REC114: variants seen among roughly 807,000 people sequenced by gnomAD.
REC114 encodes REC114 meiotic recombination protein, also known as meiotic recombination protein REC114.
A neutral mutation model predicts 31.3 loss-of-function variants in REC114; 27 were observed. That is an observed-to-expected ratio of 0.86 (90% CI 0.64 to 1.19). REC114 has a LOEUF of 1.19. Ranked by LOEUF, REC114 falls within the 50% of genes most tolerant of loss-of-function variation. The pLI is 0.00. For missense variants in REC114, 344 were observed against 326.9 expected (o/e 1.05, Z -0.40); for synonymous variants, 134 against 127.7 (o/e 1.05, Z -0.33).
intron 2 of REC114, among the ~76,000 whole-genome samples, chr15:73,522,933 A>T (rs567754147): frequency 2.0e-5 from 3 of 152,158 alleles, no homozygotes; most frequent in Non-Finnish European, 4.4e-5. Flanking sequence ...TATCCTCAGC[A>T]AGACTTGCTA....
At chr15:73,534,111 C>T (rs202103424) in intron 2 of REC114, among the ~76,000 whole-genome samples, 15,677 of 143,948 alleles carry the variant, frequency 0.11, 1,107 homozygotes, top group African/African-American at 0.21. Flanking sequence ...GACACCCTAA[C>T]ATCACAATTA....
chr15:73,446,607 T>C (rs1892767970), intron 1 of REC114, among the ~76,000 whole-genome samples: 1 of 150,136 alleles, frequency 6.7e-6, no homozygotes, highest in African/African-American at 2.5e-5. Flanking sequence ...GGCACTGCAC[T>C]CCAACCTGAG....
At chr15:73,500,648 A>G (rs1893591338) in intron 2 of REC114, among the ~76,000 whole-genome samples, 1 of 151,676 alleles carries the variant, frequency 6.6e-6, no homozygotes. Flanking sequence ...AGATATGTGT[A>G]TAATACTTTG....
chr15:73,559,606 TA>T, intron 5 of REC114, 145 bp from the exon 6 acceptor site: 1 of 572,488 alleles, frequency 1.7e-6, no homozygotes, highest in Non-Finnish European at 2.8e-6. Context: ...TAAAACTATG[TA>T]AAGGAAGCCT....
chr15:73,556,463 T>C (rs1894469912), intron 5 of REC114, 72 bp downstream of exon 5: 6 of 1,303,040 alleles, frequency 4.6e-6, no homozygotes. Flanking sequence ...TATCCCTTTG[T>C]TCAATTCTTT....
intron 2 of REC114, among the ~76,000 whole-genome samples, chr15:73,540,280 T>A (rs538685994): frequency 6.6e-6 from 1 of 152,296 alleles, no homozygotes. Flanking sequence ...AAAGTTGTCT[T>A]ACGTTCCTCA....
chr15:73,508,473 TA>T (rs1475289407), intron 2 of REC114, among the ~76,000 whole-genome samples: 1 of 151,576 alleles, frequency 6.6e-6, no homozygotes, highest in Non-Finnish European at 1.5e-5. Flanking sequence ...CTTTAAGTTT[TA>T]GGGTATATGT....
Position 73,556,398 on chromosome 15 carries a change from C to T in REC114, c.636+7C>T, listed in dbSNP as rs754384456. On this transcript the variant is annotated splice_region_variant and intron_variant, in intron 5 of 5. Transcript: ENST00000331090. ...ACTGACGCAGTTAGCTCAGGTAGAG[C>T]TTATTTCTGTGTTCAATTTTCTTGT... 7.5e-6 allele frequency: 12 copies of T among 1,608,862 alleles called. No individual in the cohort carries two copies. Among genetic ancestry groups the T allele is most frequent in the Admixed American group, 3.4e-5 (2 of 58,996 alleles).
chr15:73,511,409 G>A (rs1347071473), intron 2 of REC114, among the ~76,000 whole-genome samples: 2 of 151,694 alleles, frequency 1.3e-5, no homozygotes, highest in South Asian at 2.1e-4. Flanking sequence ...TGGATTCATT[G>A]ATTTTTTGAA....
At chr15:73,492,093 A>T (rs564411470) in intron 2 of REC114, among the ~76,000 whole-genome samples, 1 of 152,202 alleles carries the variant, frequency 6.6e-6, no homozygotes, top group East Asian at 1.9e-4. Flanking sequence ...CATTTTTTAT[A>T]TGCTTATTGG....
intron 2 of REC114, among the ~76,000 whole-genome samples, chr15:73,487,447 A>G (rs1177297768): frequency 6.6e-6 from 1 of 152,264 alleles, no homozygotes; most frequent in African/African-American, 2.4e-5. Flanking sequence ...GGCATAGGAT[A>G]GACATTCCCA....
intron 2 of REC114, among the ~76,000 whole-genome samples, chr15:73,525,807 A>G (rs12050665): frequency 0.02 from 2,999 of 152,268 alleles, 42 homozygotes; most frequent in East Asian, 0.053. Flanking sequence ...AAAATAATGT[A>G]TATTCTGCTG....
intron 1 of REC114, among the ~76,000 whole-genome samples, chr15:73,447,400 G>A (rs1302099589): frequency 6.6e-6 from 1 of 152,060 alleles, no homozygotes; most frequent in Non-Finnish European, 1.5e-5. Flanking sequence ...AGGGGACAGA[G>A]CCCCAAAGAA....
In REC114 at chr15:73,515,183, G is replaced by T. The variant is rs536692373; in HGVS notation, c.250-25302G>T. On this transcript the variant is annotated intron_variant, in intron 2 of 5. Coordinates refer to ENST00000331090, the MANE Select transcript of REC114 (RefSeq NM_001042367.2). ...CTGCATCAAGCAACCCTCCCACCTT[G>T]GCCTCCCAAAGTGCTGGGATTACAG... 7.2e-5 allele frequency among the ~76,000 whole-genome samples: 11 copies of T among 151,850 alleles called. 1 individual carries two copies. The South Asian group carries it at 2.3e-3, about 32-fold the overall frequency.
At chr15:73,451,783 C>T (rs1187480768) in intron 1 of REC114, among the ~76,000 whole-genome samples, 2 of 152,160 alleles carry the variant, frequency 1.3e-5, no homozygotes, top group African/African-American at 4.8e-5. Context: ...AGCTTATCCA[C>T]CACGATCAAG....
At chr15:73,448,253 C>T (rs1049803578) in intron 1 of REC114, among the ~76,000 whole-genome samples, 4 of 152,104 alleles carry the variant, frequency 2.6e-5, no homozygotes, top group African/African-American at 4.8e-5. Flanking sequence ...CACTGGCTTG[C>T]AATTCTCACT....
chr15:73,469,413 T>C (rs1893103695), intron 1 of REC114, among the ~76,000 whole-genome samples: 1 of 152,128 alleles, frequency 6.6e-6, no homozygotes, highest in Non-Finnish European at 1.5e-5. Flanking sequence ...AGTTTTTATT[T>C]TTTATTTTTA....
At chr15:73,557,689 T>G (rs761463418) in intron 5 of REC114, among the ~76,000 whole-genome samples, 5 of 152,212 alleles carry the variant, frequency 3.3e-5, no homozygotes, top group Admixed American at 6.5e-5. Flanking sequence ...CAGGGTGTGA[T>G]GTCCTTATTT....
intron 2 of REC114, among the ~76,000 whole-genome samples, chr15:73,521,481 G>T (rs1876235697): frequency 6.6e-6 from 1 of 151,334 alleles, no homozygotes; most frequent in South Asian, 2.1e-4. Flanking sequence ...GAAAATAGAA[G>T]AAATAAAGAA....
Sources: gnomAD v4.1 joint callset for allele counts (sites outside exome capture counted in the v4.1 genomes callset) on GRCh38, gnomAD v4.1.1 for gene constraint, MANE v1.5 for transcripts, NCBI Gene and HGNC (gene_info 2026-07-23, HGNC 2026-07-21) for gene names.